The following DAB1 variants were observed in gnomAD, a reference collection of about 807,000 sequenced individuals.
The protein encoded by DAB1 is disabled homolog 1.
DAB1 carries 15 observed loss-of-function variants against 64.6 expected under a neutral mutation model. That is an observed-to-expected ratio of 0.23 (90% CI 0.16 to 0.36). The LOEUF (loss-of-function observed/expected upper bound fraction) is 0.36. DAB1 is among the 10% of genes least tolerant of loss of function. The pLI is 1.00. For synonymous variants in DAB1, 235 were observed against 251.9 expected, an observed-to-expected ratio of 0.93 and a Z score of 0.64; for missense variants, 596 against 706.7, an observed-to-expected ratio of 0.84 and a Z score of 1.78.
intron 4 of DAB1, among the ~76,000 whole-genome samples, chr1:57,092,338 A>G (rs530323168): frequency 3.9e-5 from 6 of 152,200 alleles, no homozygotes; most frequent in African/African-American, 1.2e-4. Context: ...CTCATCTCCA[A>G]TTGTAATCCC....
intron 7 of DAB1, among the ~76,000 whole-genome samples, chr1:57,611,147 GCATTTA>G (rs1645721121): frequency 3.6e-5 from 1 of 27,654 alleles, no homozygotes; most frequent in African/African-American, 1.5e-4. Flanking sequence ...TTTTTTTTTT[GCATTTA>G]TCTTTCCAAG....
At chr1:57,512,961 A>C (rs1396512521) in intron 7 of DAB1, among the ~76,000 whole-genome samples, 1 of 152,174 alleles carries the variant, frequency 6.6e-6, no homozygotes. Context: ...AGGATAGACC[A>C]GGGCTGTGCC....
intron 5 of DAB1, among the ~76,000 whole-genome samples, chr1:57,985,105 A>G (rs1646181906): frequency 6.6e-6 from 1 of 152,116 alleles, no homozygotes. Flanking sequence ...ATGGGGTTTC[A>G]CCAGTTTGAC....
chr1:58,502,686 A>G (rs927760987), intron 3 of DAB1, among the ~76,000 whole-genome samples: 7 of 152,234 alleles, frequency 4.6e-5, no homozygotes, highest in South Asian at 4.1e-4. Flanking sequence ...TTCTTTCATT[A>G]TATGTCAGAA....
At chr1:57,762,810 A>T (rs929526138) in intron 6 of DAB1, among the ~76,000 whole-genome samples, 1 of 152,150 alleles carries the variant, frequency 6.6e-6, no homozygotes, top group Non-Finnish European at 1.5e-5. Context: ...GCCCTGAGAG[A>T]TGTCCTTTAT....
chr1:57,406,788 AT>A lies in DAB1; in HGVS notation c.-137+17141del, dbSNP rs377134151. Among the ~76,000 whole-genome samples, 44 of 152,232 alleles carry A rather than the reference AT, an allele frequency of 2.9e-4. No homozygotes were observed. In the South Asian group the frequency reaches 6.2e-3, roughly 22 times the overall value. ...AAGGATCCGAATCCTGTGGGCTGTGATTTTTCTGTATTTCCACCTACTCCTT... is the reference window on the plus strand; with the variant it reads ...AAGGATCCGAATCCTGTGGGCTGTGATTTTCTGTATTTCCACCTACTCCTT... On this transcript the variant is annotated intron_variant, in intron 1 of 14. Transcript: ENST00000371236.
chr1:57,648,759 G>T (rs373355651), intron 7 of DAB1, among the ~76,000 whole-genome samples: 29 of 152,154 alleles, frequency 1.9e-4, no homozygotes, highest in Non-Finnish European at 3.2e-4. Flanking sequence ...TTGTCTGGCT[G>T]GAGAAGAGAT....
intron 6 of DAB1, among the ~76,000 whole-genome samples, chr1:57,786,998 G>C (rs918572032): frequency 6.6e-6 from 1 of 151,972 alleles, no homozygotes; most frequent in Non-Finnish European, 1.5e-5. Flanking sequence ...AAAAAAACCA[G>C]TGAGAGAATT....
chr1:57,097,558 C>T (rs1751359), intron 4 of DAB1, among the ~76,000 whole-genome samples: 91,518 of 151,318 alleles, frequency 0.6, 28,168 homozygotes, highest in East Asian at 0.85. Flanking sequence ...ATGGTTATGA[C>T]ACAGGCAGCA....
chr1:57,627,591 C>A (rs1010336805), intron 7 of DAB1, among the ~76,000 whole-genome samples: 1 of 152,120 alleles, frequency 6.6e-6, no homozygotes, highest in Non-Finnish European at 1.5e-5. Context: ...TTGTTTTAAA[C>A]CACTATGTCA....
rs1569774048 is a variant in DAB1 at position 58,431,550 on chromosome 1, T to A, written n.257+74510A>T. On this transcript the variant is annotated intron_variant and non_coding_transcript_variant, in intron 3 of 20. Transcript: ENST00000485760. ...TCCAGCCTGGGCAATAGAGCGAGAC[T>A]CCATCTGGAAAAAAAAAAAAAAAAA... Among the ~76,000 whole-genome samples the A allele has an allele frequency of 3.9e-5, 4 of 102,448 alleles. No individual in the cohort carries two copies. In the South Asian group the frequency reaches 9.8e-4, roughly 25 times the overall value. The allele number at this position is 102,448 out of a possible 152,430, so 67.2% of individuals were successfully genotyped here.
intron 6 of DAB1, among the ~76,000 whole-genome samples, chr1:57,768,153 G>A (rs1299664314): frequency 7.2e-6 from 1 of 138,700 alleles, no homozygotes; most frequent in East Asian, 2.2e-4. Context: ...CTCCAGCCTG[G>A]GAGACAAAGC....
At chr1:57,107,765 T>A (rs1269790514) in intron 4 of DAB1, among the ~76,000 whole-genome samples, 1 of 152,142 alleles carries the variant, frequency 6.6e-6, no homozygotes, top group Non-Finnish European at 1.5e-5. Flanking sequence ...AAGTATATAG[T>A]CCTACTGCTT....
chr1:58,506,234 C>T (rs1190502630), intron 2 of DAB1: 3 of 855,754 alleles, frequency 3.5e-6, no homozygotes, highest in Non-Finnish European at 6.1e-6. Flanking sequence ...AGTAAAACCA[C>T]ACAATGAGCT....
intron 1 of DAB1, among the ~76,000 whole-genome samples, chr1:57,383,810 G>A (rs1681571677): frequency 6.6e-6 from 1 of 152,004 alleles, no homozygotes; most frequent in South Asian, 2.1e-4. Context: ...ACCTTTGAAA[G>A]AAAACACAAA....
chr1:58,165,082 CT>C (rs1441334324), intron 4 of DAB1, among the ~76,000 whole-genome samples: 2 of 152,116 alleles, frequency 1.3e-5, no homozygotes, highest in Non-Finnish European at 2.9e-5. Flanking sequence ...ACAAATGCTC[CT>C]TTTGAAAGGG....
intron 1 of DAB1, among the ~76,000 whole-genome samples, chr1:57,316,293 G>A (rs1326560576): frequency 6.6e-6 from 1 of 152,196 alleles, no homozygotes; most frequent in African/African-American, 2.4e-5. Context: ...TTTTTAAAGA[G>A]TCAAATCTTA....
chr1:57,843,544 T>C (rs1453683097), intron 1 of DAB1, among the ~76,000 whole-genome samples: 1 of 152,180 alleles, frequency 6.6e-6, no homozygotes, highest in Non-Finnish European at 1.5e-5. Context: ...TATTTGCTGG[T>C]TTCCTTCCTT....
intron 5 of DAB1, chr1:58,048,512 G>T (rs1464883784): frequency 2.3e-6 from 3 of 1,321,824 alleles, no homozygotes; most frequent in Admixed American, 1.7e-5. Flanking sequence ...GCTTCCTCCA[G>T]AGTAACCAGG....
Sources: allele counts gnomAD v4.1 joint callset (sites outside exome capture counted in the v4.1 genomes callset), GRCh38; gene constraint gnomAD v4.1.1; transcripts MANE v1.5; gene names NCBI Gene and HGNC (gene_info 2026-07-23, HGNC 2026-07-21).